Variants in AGBL4 observed in about 807,000 individuals in gnomAD.
AGBL4 encodes the protein AGBL carboxypeptidase 4.
Under a neutral mutation model 66.4 loss-of-function variants are expected in AGBL4, and 58 were observed. That is an observed-to-expected ratio of 0.87 (90% CI 0.71 to 1.09). The LOEUF (loss-of-function observed/expected upper bound fraction) is 1.09. Among genes scored for constraint, AGBL4 ranks in the 50% least tolerant of loss-of-function variants. The pLI, the probability that AGBL4 is intolerant of heterozygous loss-of-function variation, is 0.00. For synonymous variants in AGBL4, 234 were observed against 222.9 expected, an observed-to-expected ratio of 1.05 and a Z score of -0.44; for missense variants, 579 against 631.0, an observed-to-expected ratio of 0.92 and a Z score of 0.88.
chr1:49,124,144 A>C (rs1645718882), intron 4 of AGBL4, among the ~76,000 whole-genome samples: 1 of 152,208 alleles, frequency 6.6e-6, no homozygotes, highest in African/African-American at 2.4e-5. Flanking sequence ...CGGCAAATGA[A>C]ATATAACAAA....
At chr1:49,037,094 T>G (rs1664727925) in intron 5 of AGBL4, among the ~76,000 whole-genome samples, 1 of 152,028 alleles carries the variant, frequency 6.6e-6, no homozygotes, top group Non-Finnish European at 1.5e-5. Context: ...AAGAAGATGC[T>G]GGTTTTTACA....
At chr1:48,711,613 G>A (rs1361063150) in intron 6 of AGBL4, among the ~76,000 whole-genome samples, 1 of 152,258 alleles carries the variant, frequency 6.6e-6, no homozygotes, top group Admixed American at 6.5e-5. Context: ...GATCTGCACG[G>A]TGTTGCCTGC....
chr1:49,941,097 C>T (rs560335849), intron 1 of AGBL4, among the ~76,000 whole-genome samples: 1 of 152,014 alleles, frequency 6.6e-6, no homozygotes, highest in African/African-American at 2.4e-5. Context: ...ACATATACAA[C>T]CTACCTAATA....
chr1:49,701,530 A>G (rs954020274), intron 2 of AGBL4, among the ~76,000 whole-genome samples: 1 of 152,110 alleles, frequency 6.6e-6, no homozygotes, highest in Admixed American at 6.6e-5. Flanking sequence ...TTGTGTGTCA[A>G]TCATACCTCA....
chr1:49,413,982 C>CA lies in AGBL4; in HGVS notation c.283-168119dup, dbSNP rs373194851. On this transcript the variant is annotated intron_variant, in intron 3 of 13. Transcript: ENST00000371839. ...TGTAATCCTCAAAATACAAATAAAA[C>CA]AAAAAAAATCAGAATCTCTTTATTA... Among the ~76,000 whole-genome samples the CA allele has an allele frequency of 1.6e-3, 243 of 151,566 alleles. 1 individual carries two copies. Among genetic ancestry groups the CA allele is most frequent in the African/African-American group, 4.9e-3 (204 of 41,342 alleles).
At chr1:49,291,237 A>AATTCACCC (rs1324828798) in intron 3 of AGBL4, among the ~76,000 whole-genome samples, 3 of 152,198 alleles carry the variant, frequency 2.0e-5, no homozygotes, top group Non-Finnish European at 4.4e-5. Context: ...TTCATTGATA[A>AATTCACCC]ATTCACCCAT....
chr1:49,727,055 A>C (rs891313817), intron 2 of AGBL4, among the ~76,000 whole-genome samples: 1 of 152,192 alleles, frequency 6.6e-6, no homozygotes, highest in Non-Finnish European at 1.5e-5. Context: ...ATCTGTTATC[A>C]GTAGAGGAAG....
chr1:49,952,641 C>T (rs1256778813), intron 1 of AGBL4, among the ~76,000 whole-genome samples: 1 of 151,878 alleles, frequency 6.6e-6, no homozygotes, highest in East Asian at 1.9e-4. Context: ...TTCACTGCCT[C>T]CTCAAATATA....
intron 3 of AGBL4, among the ~76,000 whole-genome samples, chr1:49,319,550 T>C (rs1645096678): frequency 6.6e-6 from 1 of 152,188 alleles, no homozygotes; most frequent in Non-Finnish European, 1.5e-5. Context: ...AAACTCCAGC[T>C]ATTATGTCCA....
intron 3 of AGBL4, among the ~76,000 whole-genome samples, chr1:49,660,549 A>G (rs1252518855): frequency 6.6e-6 from 1 of 152,144 alleles, no homozygotes; most frequent in African/African-American, 2.4e-5. Context: ...GTGGTAATTC[A>G]TCAAGTATCT....
chr1:49,255,357 G>T (rs1652395363), intron 3 of AGBL4, among the ~76,000 whole-genome samples: 1 of 152,076 alleles, frequency 6.6e-6, no homozygotes, highest in Non-Finnish European at 1.5e-5. Context: ...GCGGGCAAAA[G>T]ACAAGATTAC....
chr1:49,887,465 C>A (rs1648188273), intron 1 of AGBL4, among the ~76,000 whole-genome samples: 1 of 151,614 alleles, frequency 6.6e-6, no homozygotes, highest in Non-Finnish European at 1.5e-5. Flanking sequence ...CCCGGAGATT[C>A]AAAAGAACAG....
chr1:49,573,260 GA>G (rs1359104270), intron 3 of AGBL4, among the ~76,000 whole-genome samples: 1 of 150,688 alleles, frequency 6.6e-6, no homozygotes, highest in Non-Finnish European at 1.5e-5. Context: ...GGTTCTAGAG[GA>G]ACAGAATATT....
chr1:48,872,693 G>T (rs1246094895), intron 5 of AGBL4, among the ~76,000 whole-genome samples: 1 of 152,002 alleles, frequency 6.6e-6, no homozygotes. Context: ...AAACAACCAA[G>T]AAAGCATTCT....
intron 5 of AGBL4, among the ~76,000 whole-genome samples, chr1:48,925,810 C>T (rs1166614615): frequency 2.6e-5 from 4 of 152,082 alleles, no homozygotes; most frequent in African/African-American, 9.7e-5. Context: ...GTAAAGTTTC[C>T]ACCCGGTGAG....
intron 1 of AGBL4, among the ~76,000 whole-genome samples, chr1:50,014,358 C>A (rs989721563): frequency 6.7e-6 from 1 of 149,716 alleles, no homozygotes; most frequent in Admixed American, 6.7e-5. Context: ...CCAAGTGGGA[C>A]TTTGTCTCGA....
At chr1:48,729,590 T>G (rs913969528) in intron 6 of AGBL4, among the ~76,000 whole-genome samples, 3 of 151,978 alleles carry the variant, frequency 2.0e-5, no homozygotes, top group Non-Finnish European at 2.9e-5. Context: ...ACCTTTCCAC[T>G]AACATATGAG....
At chr1:49,448,152 T>C (rs748995352) in intron 3 of AGBL4, among the ~76,000 whole-genome samples, 10 of 152,152 alleles carry the variant, frequency 6.6e-5, no homozygotes, top group Non-Finnish European at 1.2e-4. Flanking sequence ...ACTTTAAGAT[T>C]AATACATGTG....
chr1:49,400,935 T>C lies in AGBL4; in HGVS notation c.283-155071A>G, dbSNP rs548544307. Among the ~76,000 whole-genome samples the C allele has an allele frequency of 2.0e-5, 3 of 152,326 alleles. 1 individual carries two copies. The highest frequency in any genetic ancestry group is 7.2e-5 in the African/African-American group (3 of 41,568). On this transcript the variant is annotated intron_variant, in intron 3 of 13. Transcript: ENST00000371839. ...TCAGTCTTTTTCCCATTCAGTATAC[T>C]AGCTATGGGTCTGTCATATATGGGT... is the stretch of plus-strand genomic sequence containing the variant.
Sources: allele counts gnomAD v4.1 joint callset (sites outside exome capture counted in the v4.1 genomes callset), GRCh38; gene constraint gnomAD v4.1.1; transcripts MANE v1.5; gene names NCBI Gene and HGNC (gene_info 2026-07-23, HGNC 2026-07-21).